Variants in PCDH15 observed in about 807,000 individuals in gnomAD.
The protein encoded by PCDH15 is protocadherin related 15.
PCDH15 carries 129 observed loss-of-function variants against 178.5 expected under a neutral mutation model. The ratio of observed to expected loss-of-function variants is 0.72; its 90% CI spans 0.63 to 0.84. The LOEUF is 0.84. Ranked by LOEUF, PCDH15 falls within the 40% of genes least tolerant of loss-of-function variation. The pLI, the probability that PCDH15 is intolerant of heterozygous loss-of-function variation, is 0.00. For synonymous variants in PCDH15, 800 were observed against 732.0 expected, an observed-to-expected ratio of 1.09 and a Z score of -1.50; for missense variants, 2,230 against 2,099.9, an observed-to-expected ratio of 1.06 and a Z score of -1.21.
intron 3 of PCDH15, among the ~76,000 whole-genome samples, chr10:54,410,413 A>G (rs1953321833): frequency 1.3e-5 from 2 of 152,128 alleles, no homozygotes; most frequent in Non-Finnish European, 2.9e-5. Flanking sequence ...TATTTCTTTT[A>G]GACTTTGCTT....
chr10:55,354,056 G>A (rs1452173891), intron 2 of PCDH15, among the ~76,000 whole-genome samples: 1 of 151,860 alleles, frequency 6.6e-6, no homozygotes, highest in African/African-American at 2.4e-5. Flanking sequence ...TACAACTTAT[G>A]CCCTCGTCTG....
At chr10:55,181,497 A>G (rs1412046809) in intron 1 of PCDH15, among the ~76,000 whole-genome samples, 6 of 151,986 alleles carry the variant, frequency 3.9e-5, no homozygotes, top group Admixed American at 3.9e-4. Context: ...CAGGTAGTAC[A>G]TCATCTTCAT....
At chr10:54,064,787 G>A (rs2094105670) in intron 18 of PCDH15, among the ~76,000 whole-genome samples, 1 of 152,156 alleles carries the variant, frequency 6.6e-6, no homozygotes, top group Admixed American at 6.5e-5. Context: ...GGTCAGGCAG[G>A]GGGAACAGGC....
At chr10:54,534,504 T>TTC (rs2084271336) in intron 2 of PCDH15, among the ~76,000 whole-genome samples, 1 of 152,130 alleles carries the variant, frequency 6.6e-6, no homozygotes, top group African/African-American at 2.4e-5. Flanking sequence ...CTGATATGAG[T>TTC]TGGTGAGATT....
intron 2 of PCDH15, among the ~76,000 whole-genome samples, chr10:55,541,062 G>A (rs1841748921): frequency 6.6e-6 from 1 of 152,016 alleles, no homozygotes; most frequent in Non-Finnish European, 1.5e-5. Context: ...ACCTTGCAGA[G>A]AATGGGTGCC....
At chr10:54,081,236 T>C (rs1223546409) in intron 16 of PCDH15, among the ~76,000 whole-genome samples, 1 of 151,984 alleles carries the variant, frequency 6.6e-6, no homozygotes, top group Non-Finnish European at 1.5e-5. Context: ...CCTCAGCATG[T>C]TCAGAATTCT....
intron 3 of PCDH15, among the ~76,000 whole-genome samples, chr10:54,823,038 C>T (rs1461919924): frequency 5.3e-5 from 8 of 151,964 alleles, no homozygotes; most frequent in African/African-American, 1.2e-4. Flanking sequence ...GGTGCCACGA[C>T]GTCCAGCTAA....
At chr10:54,784,071 T>C (rs1046753820) in intron 1 of PCDH15, among the ~76,000 whole-genome samples, 4 of 151,940 alleles carry the variant, frequency 2.6e-5, no homozygotes, top group Non-Finnish European at 4.4e-5. Context: ...TGAGGTCCTA[T>C]GGGAACTCAC....
intron 3 of PCDH15, among the ~76,000 whole-genome samples, chr10:54,393,489 GAAC>G (rs1950810135): frequency 6.6e-6 from 1 of 152,102 alleles, no homozygotes; most frequent in Non-Finnish European, 1.5e-5. Context: ...ATGGAATATA[GAAC>G]ACAAGTATTG....
At chr10:54,017,424 G>A (rs1338781361) in intron 20 of PCDH15, among the ~76,000 whole-genome samples, 1 of 152,034 alleles carries the variant, frequency 6.6e-6, no homozygotes, top group African/African-American at 2.4e-5. Flanking sequence ...AAATACAAGG[G>A]GGTACATATA....
chr10:54,401,048 T>C (rs1183221409), intron 3 of PCDH15, among the ~76,000 whole-genome samples: 1 of 151,942 alleles, frequency 6.6e-6, no homozygotes, highest in Non-Finnish European at 1.5e-5. Context: ...AAACCATTCA[T>C]AATTAAGAAA....
chr10:55,227,985 G>A (rs1415561657), intron 1 of PCDH15, among the ~76,000 whole-genome samples: 1 of 151,968 alleles, frequency 6.6e-6, no homozygotes, highest in Non-Finnish European at 1.5e-5. Context: ...TGCTAAATGT[G>A]CAGGTTTATT....
At chr10:54,872,804 C>A (rs1453288979) in intron 3 of PCDH15, among the ~76,000 whole-genome samples, 1 of 151,948 alleles carries the variant, frequency 6.6e-6, no homozygotes, top group African/African-American at 2.4e-5. Flanking sequence ...TCTGATAGGC[C>A]AGATGTACCA....
chr10:54,821,897 G>T (rs1228709095), intron 3 of PCDH15, among the ~76,000 whole-genome samples: 1 of 152,118 alleles, frequency 6.6e-6, no homozygotes, highest in Non-Finnish European at 1.5e-5. Flanking sequence ...AACACGCTTT[G>T]AATTTTTAGT....
At chr10:54,767,899 A>T (rs1948693100) in intron 1 of PCDH15, among the ~76,000 whole-genome samples, 1 of 152,150 alleles carries the variant, frequency 6.6e-6, no homozygotes, top group Non-Finnish European at 1.5e-5. Flanking sequence ...CTTGGTATAG[A>T]TAGAAGACAT....
intron 2 of PCDH15, among the ~76,000 whole-genome samples, chr10:55,446,609 T>C (rs1160027560): frequency 6.6e-6 from 1 of 152,090 alleles, no homozygotes; most frequent in Non-Finnish European, 1.5e-5. Flanking sequence ...CTCATCAACA[T>C]GCGCATACTT....
chr10:54,514,931 A>G (rs1267079262), intron 3 of PCDH15, among the ~76,000 whole-genome samples: 1 of 152,212 alleles, frequency 6.6e-6, no homozygotes, highest in African/African-American at 2.4e-5. Flanking sequence ...GAAATTTTAG[A>G]CTGATTGTTT....
At chr10:55,168,902 A>G (rs1266526013) in intron 1 of PCDH15, among the ~76,000 whole-genome samples, 1 of 152,152 alleles carries the variant, frequency 6.6e-6, no homozygotes, top group Non-Finnish European at 1.5e-5. Context: ...GGAGTTATAA[A>G]TTAGATCTTA....
intron 2 of PCDH15, among the ~76,000 whole-genome samples, chr10:54,655,241 A>AGG (rs750051828): frequency 0.018 from 1,917 of 106,434 alleles, 49 homozygotes; most frequent in African/African-American, 0.074. Flanking sequence ...AGGAAGGGAA[A>AGG]GAAAGAAAGA....
Sources: allele counts gnomAD v4.1 joint callset (sites outside exome capture counted in the v4.1 genomes callset), GRCh38; gene constraint gnomAD v4.1.1; transcripts MANE v1.5; gene names NCBI Gene and HGNC (gene_info 2026-07-23, HGNC 2026-07-21).